The following VPS50 variants were observed in gnomAD, a reference collection of about 807,000 sequenced individuals.
VPS50 encodes syndetin.
VPS50 carries 70 observed loss-of-function variants against 139.7 expected under a neutral mutation model. The ratio of observed to expected loss-of-function variants is 0.50; its 90% CI spans 0.41 to 0.61. VPS50 has a LOEUF of 0.61. Among genes scored for constraint, VPS50 ranks in the 20% least tolerant of loss-of-function variants. The pLI, the probability that VPS50 is intolerant of heterozygous loss-of-function variation, is 0.00. For synonymous variants in VPS50, 365 were observed against 376.7 expected, an observed-to-expected ratio of 0.97 and a Z score of 0.36; for missense variants, 921 against 1,133.7, an observed-to-expected ratio of 0.81 and a Z score of 2.69.
intron 1 of VPS50, 23 bp downstream of exon 1, chr7:93,232,523 A>G: frequency 2.5e-6 from 4 of 1,607,692 alleles, no homozygotes; most frequent in Non-Finnish European, 3.4e-6. Flanking sequence ...GGCTGAAGCA[A>G]AGGCTTCCTT....
At chr7:93,356,260 A>AG (rs1447555115) in intron 27 of VPS50, 180 bp downstream of exon 27, 1 of 353,350 alleles carries the variant, frequency 2.8e-6, no homozygotes, top group African/African-American at 2.1e-5. Context: ...GTATCTAAGC[A>AG]GTGCCCTTTG....
At chr7:93,299,697 C>A (rs969401472) in intron 16 of VPS50, among the ~76,000 whole-genome samples, 2 of 152,042 alleles carry the variant, frequency 1.3e-5, no homozygotes, top group African/African-American at 4.8e-5. Flanking sequence ...AGTTTGCATT[C>A]CACTCTCTTT....
At chr7:93,303,941 C>T (rs1287478419) in intron 17 of VPS50, among the ~76,000 whole-genome samples, 1 of 151,642 alleles carries the variant, frequency 6.6e-6, no homozygotes, top group Non-Finnish European at 1.5e-5. Flanking sequence ...GAATATTTTT[C>T]ATTTCTTAAA....
chr7:93,353,438 A>G (rs905411282), intron 25 of VPS50, among the ~76,000 whole-genome samples: 7 of 152,240 alleles, frequency 4.6e-5, no homozygotes, highest in African/African-American at 1.4e-4. Flanking sequence ...ACTCTGTACT[A>G]TAACATAATC....
chr7:93,336,959 G>A (rs1030246112), intron 22 of VPS50, among the ~76,000 whole-genome samples: 3 of 152,142 alleles, frequency 2.0e-5, no homozygotes, highest in African/African-American at 7.2e-5. Context: ...AGGTGGTTAA[G>A]GTTTCATTTT....
chr7:93,251,605 G>A lies in VPS50; in HGVS notation c.103-1048G>A, dbSNP rs577007056. ...TGGGTGCAGCAAACCACGATGGCAT[G>A]TGTATACCTATGTAACAAACCTGCA... On this transcript the variant is annotated intron_variant, in intron 2 of 27. Transcript: ENST00000305866. 1.2e-3 allele frequency among the ~76,000 whole-genome samples: 179 copies of A among 152,184 alleles called. 2 individuals carry two copies. The highest frequency in any genetic ancestry group is 4.2e-3 in the African/African-American group (174 of 41,516).
intron 12 of VPS50, among the ~76,000 whole-genome samples, chr7:93,285,284 G>C (rs1312792643): frequency 1.3e-5 from 2 of 152,138 alleles, no homozygotes; most frequent in Admixed American, 1.3e-4. Flanking sequence ...GATGTGATTA[G>C]AGTGCTAAAT....
chr7:93,260,074 G>A (rs1795619308), intron 9 of VPS50, among the ~76,000 whole-genome samples: 1 of 152,130 alleles, frequency 6.6e-6, no homozygotes, highest in Non-Finnish European at 1.5e-5. Context: ...GAAAATTTAA[G>A]TATGGTTTCA....
At chr7:93,320,197 A>G (rs1797562504) in intron 20 of VPS50, among the ~76,000 whole-genome samples, 1 of 152,096 alleles carries the variant, frequency 6.6e-6, no homozygotes, top group Admixed American at 6.5e-5. Flanking sequence ...TGTGTGAAAT[A>G]TAGGAAAGGG....
chr7:93,324,715 AC>A (rs1428584471), intron 21 of VPS50, among the ~76,000 whole-genome samples: 26 of 152,280 alleles, frequency 1.7e-4, no homozygotes, highest in African/African-American at 5.8e-4. Flanking sequence ...AGAATAAAAT[AC>A]CTAGGAATCC....
intron 13 of VPS50, among the ~76,000 whole-genome samples, chr7:93,293,222 T>C (rs1176993110): frequency 6.6e-6 from 1 of 152,150 alleles, no homozygotes; most frequent in East Asian, 1.9e-4. Context: ...ATAATAATAG[T>C]GAAATACCTG....
intron 1 of VPS50, among the ~76,000 whole-genome samples, chr7:93,233,049 T>C (rs745410370): frequency 6.6e-6 from 1 of 152,238 alleles, no homozygotes; most frequent in Non-Finnish European, 1.5e-5. Flanking sequence ...TAAGCTAATA[T>C]ATGTGAAAAC....
At chr7:93,255,066 AAG>A (rs1795447541) in intron 4 of VPS50, among the ~76,000 whole-genome samples, 1 of 152,094 alleles carries the variant, frequency 6.6e-6, no homozygotes, top group Non-Finnish European at 1.5e-5. Flanking sequence ...AGTTTTGTGG[AAG>A]ACAATTTTTC....
In VPS50 at chr7:93,341,502, A is replaced by C; in HGVS notation, c.2134A>C (p.Ser712Arg). The C allele has an allele frequency of 6.2e-7, 1 of 1,610,778 alleles. No individual in the cohort carries two copies. The highest frequency in any genetic ancestry group is 2.2e-5 in the East Asian group (1 of 44,816). Residue 712 changes from serine to arginine, a missense_variant, in exon 23 of 28, where the codon AGT becomes CGT. Around this residue, in one of 3 missense-constraint regions of VPS50, gnomAD observed 744 missense variants for 930.6 expected, o/e 0.80. Coordinates refer to ENST00000305866, the MANE Select transcript of VPS50 (RefSeq NM_017667.4). ...RKEKVPSPHL[S>R]HLVVLTSGDT... is the part of the protein sequence containing the mutation. ...GGAGAAGGTGCCAAGTCCACACCTCAGTCACCTAGTGGTTTTGACATCTGG... is the reference window on the plus strand; with the variant it reads ...GGAGAAGGTGCCAAGTCCACACCTCCGTCACCTAGTGGTTTTGACATCTGG...
intron 16 of VPS50, among the ~76,000 whole-genome samples, chr7:93,302,349 CTT>C (rs913194904): frequency 7.1e-6 from 1 of 140,792 alleles, no homozygotes. Context: ...CTGTTTCTTC[CTT>C]TTTTTTTTTC....
At chr7:93,257,836 G>A (rs1795535019) in intron 6 of VPS50, 1 of 243,146 alleles carries the variant, frequency 4.1e-6, no homozygotes, top group Non-Finnish European at 7.7e-6. Context: ...ACATAATACA[G>A]TCTTAATTTT....
chr7:93,235,224 G>A (rs534084074), intron 1 of VPS50, among the ~76,000 whole-genome samples: 5 of 152,292 alleles, frequency 3.3e-5, no homozygotes, highest in African/African-American at 1.2e-4. Flanking sequence ...CAAGTGGCCT[G>A]TGTGGGTGAA....
intron 12 of VPS50, among the ~76,000 whole-genome samples, chr7:93,285,520 C>T (rs969016063): frequency 6.6e-6 from 1 of 152,178 alleles, no homozygotes; most frequent in Non-Finnish European, 1.5e-5. Context: ...CAGAAGATGA[C>T]ATTCTTTTAT....
chr7:93,276,141 T>C, intron 11 of VPS50, 24 bp from the exon 12 acceptor site: 1 of 1,536,008 alleles, frequency 6.5e-7, no homozygotes, highest in Non-Finnish European at 8.8e-7. Flanking sequence ...TGAAATTATG[T>C]TGTGCGTTTT....
Sources: gnomAD v4.1 joint callset for allele counts (sites outside exome capture counted in the v4.1 genomes callset) on GRCh38, gnomAD v4.1.1 for gene constraint, gnomAD v4.1.1 regional missense constraint, MANE v1.5 for transcripts, NCBI Gene and HGNC (gene_info 2026-07-23, HGNC 2026-07-21) for gene names.